The following SEMA3A variants were observed in gnomAD, a reference collection of about 807,000 sequenced individuals.
The protein encoded by SEMA3A is semaphorin 3A, also known as semaphorin-3A.
SEMA3A carries 29 observed loss-of-function variants against 97.9 expected under a neutral mutation model. The ratio of observed to expected loss-of-function variants is 0.30; its 90% CI spans 0.22 to 0.40. The LOEUF (loss-of-function observed/expected upper bound fraction) is 0.40. Ranked by LOEUF, SEMA3A falls within the 10% of genes least tolerant of loss-of-function variation. SEMA3A has a pLI of 1.00. For synonymous variants in SEMA3A, 321 were observed against 323.7 expected (o/e 0.99, Z 0.09); for missense variants, 763 against 951.3 (o/e 0.80, Z 2.60).
intron 3 of SEMA3A, among the ~76,000 whole-genome samples, chr7:84,125,319 G>A (rs749793162): frequency 2.0e-5 from 3 of 152,148 alleles, no homozygotes; most frequent in Non-Finnish European, 4.4e-5. Flanking sequence ...GCTGTGAAAT[G>A]ATCTGGTGTC....
intron 6 of SEMA3A, among the ~76,000 whole-genome samples, chr7:84,039,677 G>A (rs1024589402): frequency 6.6e-6 from 1 of 152,002 alleles, no homozygotes; most frequent in Non-Finnish European, 1.5e-5. Flanking sequence ...GAACAGGAGA[G>A]TATTGTGATA....
At chr7:84,398,991 G>T (rs1490178650) in intron 1 of SEMA3A, among the ~76,000 whole-genome samples, 1 of 152,102 alleles carries the variant, frequency 6.6e-6, no homozygotes, top group African/African-American at 2.4e-5. Context: ...TGAGAGAACA[G>T]AGTACCTGGT....
chr7:84,261,176 A>T (rs1237517735), intron 3 of SEMA3A, among the ~76,000 whole-genome samples: 2 of 152,018 alleles, frequency 1.3e-5, no homozygotes, highest in African/African-American at 4.8e-5. Flanking sequence ...AGAGCTGGAG[A>T]CCCATCAGGA....
At chr7:84,419,740 C>G (rs1199056145) in intron 1 of SEMA3A, among the ~76,000 whole-genome samples, 1 of 152,060 alleles carries the variant, frequency 6.6e-6, no homozygotes, top group Non-Finnish European at 1.5e-5. Flanking sequence ...TGATCTCTAT[C>G]TGAGAAGTGC....
chr7:84,388,039 G>A (rs1803444746), intron 1 of SEMA3A, among the ~76,000 whole-genome samples: 1 of 152,070 alleles, frequency 6.6e-6, no homozygotes, highest in South Asian at 2.1e-4. Context: ...CATTTCCTAT[G>A]TTAAAATATT....
intron 4 of SEMA3A, among the ~76,000 whole-genome samples, chr7:84,088,082 G>A (rs1334812943): frequency 6.6e-6 from 1 of 152,090 alleles, no homozygotes; most frequent in Non-Finnish European, 1.5e-5. Context: ...GTAGTTCTGA[G>A]GGCGGGAAAC....
At position 84,029,810 on chromosome 7, in the gene SEMA3A, T is replaced by TACACACACAC. The variant is rs34158057; in HGVS notation, c.668-15469_668-15460dup. Among the ~76,000 whole-genome samples, 400 of 116,850 alleles carry TACACACACAC rather than the reference T, an allele frequency of 3.4e-3. 3 individuals carry two copies. The highest frequency in any genetic ancestry group is 0.014 in the African/African-American group (393 of 28,616). The allele number at this position is 116,850 out of a possible 152,430, so 76.7% of individuals were successfully genotyped here. A position where few individuals can be genotyped will look rare whatever the true frequency, so the allele number is the denominator to read the frequency against. The stretch of plus-strand genomic sequence containing the variant: ...CATTTGCACACACATCCCTTCCATA[T>TACACACACAC]ACACACACACACACACACACACACA... On this transcript the variant is annotated intron_variant, in intron 6 of 16. Coordinates refer to ENST00000265362, the MANE Select transcript of SEMA3A (RefSeq NM_006080.3).
chr7:84,238,505 G>A (rs1400571360), intron 3 of SEMA3A, among the ~76,000 whole-genome samples: 1 of 152,080 alleles, frequency 6.6e-6, no homozygotes. Flanking sequence ...AGAATGGAGT[G>A]AGGAGAAATA....
At chr7:84,390,011 A>T (rs1408395998) in intron 1 of SEMA3A, among the ~76,000 whole-genome samples, 1 of 152,170 alleles carries the variant, frequency 6.6e-6, no homozygotes, top group African/African-American at 2.4e-5. Context: ...AAAGAAAGCT[A>T]TCTAATTTCT....
At chr7:84,444,132 C>T (rs35651748) in intron 1 of SEMA3A, among the ~76,000 whole-genome samples, 16,967 of 151,952 alleles carry the variant, frequency 0.11, 1,187 homozygotes, top group East Asian at 0.28. Context: ...GTGATCTGCC[C>T]AGCTTGGCCT....
rs3801609 is a variant in SEMA3A, at chr7:84,076,822, T to C, written c.454-16264A>G. 1.9e-4 allele frequency among the ~76,000 whole-genome samples: 29 copies of C among 152,228 alleles called. No individual in the cohort carries two copies. The East Asian group carries it at 5.6e-3, about 29-fold the overall frequency. On this transcript the variant is annotated intron_variant, in intron 4 of 16. Transcript: ENST00000265362. ...ACAGAGCCCTTAGAGTTGGATTAAA[T>C]AGGATTTGCCCTCTTAAATTTAAGG...
At chr7:84,124,013 C>T (rs1051696297) in intron 3 of SEMA3A, among the ~76,000 whole-genome samples, 1 of 151,976 alleles carries the variant, frequency 6.6e-6, no homozygotes, top group Admixed American at 6.6e-5. Flanking sequence ...TGAGAGAATG[C>T]GGAGACGTTT....
intron 3 of SEMA3A, among the ~76,000 whole-genome samples, chr7:84,266,294 C>T (rs1379875331): frequency 1.5e-5 from 2 of 135,608 alleles, no homozygotes; most frequent in Non-Finnish European, 3.1e-5. Flanking sequence ...GCACTCTAGC[C>T]TGGAGTGAGA....
rs960977778 is a variant in SEMA3A, at chr7:84,067,654, C to A, written c.454-7096G>T. Among the ~76,000 whole-genome samples, 1,306 of 152,134 alleles carry A rather than the reference C, an allele frequency of 8.6e-3. 19 individuals carry two copies. The highest frequency in any genetic ancestry group is 0.029 in the African/African-American group (1,212 of 41,480). On this transcript the variant is annotated intron_variant, in intron 4 of 16. Transcript: ENST00000265362. Reference sequence around the variant, plus strand: ...TCTCAAAAGAAGACATTTATGCAGCCAAAAAACACATGAAAAAATGCTCAT... The same window carrying A: ...TCTCAAAAGAAGACATTTATGCAGCAAAAAAACACATGAAAAAATGCTCAT...
chr7:84,394,267 G>T (rs547258030), intron 1 of SEMA3A, among the ~76,000 whole-genome samples: 2 of 151,982 alleles, frequency 1.3e-5, no homozygotes, highest in African/African-American at 2.4e-5. Context: ...GTGAAAATTT[G>T]TTACTTGCAG....
intron 1 of SEMA3A, among the ~76,000 whole-genome samples, chr7:84,430,794 TG>T (rs1804959523): frequency 2.0e-5 from 2 of 101,536 alleles, no homozygotes; most frequent in South Asian, 6.7e-4. Context: ...AAAATTTGTG[TG>T]TGTGTGTGTG....
At chr7:84,103,819 A>T (rs1795027612) in intron 4 of SEMA3A, among the ~76,000 whole-genome samples, 1 of 152,134 alleles carries the variant, frequency 6.6e-6, no homozygotes, top group Non-Finnish European at 1.5e-5. Flanking sequence ...AAGATGAAAA[A>T]GTACCAAACA....
intron 1 of SEMA3A, among the ~76,000 whole-genome samples, chr7:84,455,768 A>T (rs1425255167): frequency 1.3e-5 from 2 of 152,018 alleles, no homozygotes; most frequent in Non-Finnish European, 2.9e-5. Context: ...TAAAAGTTAC[A>T]AATGTTTCCA....
intron 2 of SEMA3A, among the ~76,000 whole-genome samples, chr7:84,307,812 G>C (rs1045686532): frequency 2.6e-5 from 4 of 151,982 alleles, no homozygotes; most frequent in Non-Finnish European, 4.4e-5. Flanking sequence ...AAAGTAAATA[G>C]AAATTTTAAA....
Sources: gnomAD v4.1 joint callset for allele counts (sites outside exome capture counted in the v4.1 genomes callset) on GRCh38, gnomAD v4.1.1 for gene constraint, MANE v1.5 for transcripts, NCBI Gene and HGNC (gene_info 2026-07-23, HGNC 2026-07-21) for gene names.